Variants in UPP2 observed in about 807,000 individuals in gnomAD.
The protein encoded by UPP2 is UPase 2.
Under a neutral mutation model 26.7 loss-of-function variants are expected in UPP2, and 23 were observed. The observed-to-expected ratio is 0.86, with a 90% CI of 0.62 to 1.22. UPP2 has a LOEUF of 1.22. Ranked by LOEUF, UPP2 falls within the 50% of genes most tolerant of loss-of-function variation. The pLI is 0.00. For synonymous variants in UPP2, 127 were observed against 141.3 expected (o/e 0.90, Z 0.72); for missense variants, 387 against 396.7 (o/e 0.98, Z 0.21).
At chr2:158,109,932 A>G (rs1346670849) in intron 2 of UPP2, among the ~76,000 whole-genome samples, 2 of 152,202 alleles carry the variant, frequency 1.3e-5, no homozygotes, top group Non-Finnish European at 2.9e-5. Flanking sequence ...AAAATACAAC[A>G]TATTATATCT....
Position 158,121,427 on chromosome 2 carries a change from T to C in UPP2, c.473T>C (p.Val158Ala), listed in dbSNP as rs1683563938. The change falls in exon 5 of 7, where the codon GTT becomes GCT. Residue 158 changes from valine (V) to alanine (A), a missense_variant. Physicochemically the swap from Val to Ala is moderately conservative, Grantham distance 64 (BLOSUM62 0). Transcript: ENST00000005756. ...ATTGCAGGGATTGCACCAGGGACTG[T>C]TGTAATAACGGATATAGCTGTAGAC... ...SGGIGIAPGTVVITDIAVDSF... is the reference protein window; with the variant it reads ...SGGIGIAPGTAVITDIAVDSF... 1.9e-6 allele frequency: 3 copies of C among 1,612,964 alleles called. No homozygotes were observed. The highest frequency in any genetic ancestry group is 2.2e-5 in the East Asian group (1 of 44,872).
At chr2:158,035,780 T>C (rs1683991465) in intron 3 of UPP2, among the ~76,000 whole-genome samples, 1 of 152,216 alleles carries the variant, frequency 6.6e-6, no homozygotes, top group South Asian at 2.1e-4. Context: ...AGGGACGGGA[T>C]TGACTGGTCC....
intron 3 of UPP2, among the ~76,000 whole-genome samples, chr2:158,031,271 G>A (rs1209442325): frequency 6.6e-6 from 1 of 152,128 alleles, no homozygotes; most frequent in African/African-American, 2.4e-5. Context: ...CCAGGAAGGA[G>A]AATTCACTCA....
chr2:158,070,202 C>T (rs1371664772), intron 3 of UPP2, among the ~76,000 whole-genome samples: 1 of 152,204 alleles, frequency 6.6e-6, no homozygotes, highest in African/African-American at 2.4e-5. Flanking sequence ...TTATATTAAA[C>T]TTTCCCTTGT....
At chr2:158,114,765 T>C (rs1683389189) in intron 2 of UPP2, among the ~76,000 whole-genome samples, 4 of 152,362 alleles carry the variant, frequency 2.6e-5, no homozygotes, top group African/African-American at 9.6e-5. Context: ...GCATATGTCA[T>C]GGTAATGCTC....
At chr2:158,044,459 G>C (rs908991127) in intron 3 of UPP2, among the ~76,000 whole-genome samples, 3 of 152,150 alleles carry the variant, frequency 2.0e-5, no homozygotes, top group Admixed American at 1.3e-4. Flanking sequence ...AAGGGGCAAG[G>C]ATGGCAGGAT....
At chr2:158,077,876 A>G (rs1173746127) in intron 3 of UPP2, among the ~76,000 whole-genome samples, 1 of 152,120 alleles carries the variant, frequency 6.6e-6, no homozygotes, top group African/African-American at 2.4e-5. Context: ...CTTATAAACT[A>G]CCTATCTGAC....
intron 4 of UPP2, among the ~76,000 whole-genome samples, chr2:158,119,079 G>T (rs958068932): frequency 2.0e-5 from 3 of 152,004 alleles, no homozygotes; most frequent in African/African-American, 7.2e-5. Flanking sequence ...CAGTAGTAGG[G>T]AACTGCTCAT....
At chr2:158,039,161 G>GC (rs1684048812) in intron 3 of UPP2, among the ~76,000 whole-genome samples, 2 of 152,304 alleles carry the variant, frequency 1.3e-5, no homozygotes, top group Admixed American at 1.3e-4. Context: ...TGAGGCTGGG[G>GC]AAGTGAAGGG....
intron 3 of UPP2, among the ~76,000 whole-genome samples, chr2:158,038,481 T>C (rs978380944): frequency 6.6e-5 from 10 of 152,262 alleles, no homozygotes; most frequent in African/African-American, 2.4e-4. Flanking sequence ...AATTTTTCAC[T>C]GGGCAGATGC....
chr2:158,121,720 A>G (rs1334368145), intron 5 of UPP2, 102 bp downstream of exon 5: 3 of 1,084,912 alleles, frequency 2.8e-6, no homozygotes, highest in Non-Finnish European at 4.0e-6. Flanking sequence ...AAGAAAATTA[A>G]TATTTGTGGG....
chr2:158,029,677 T>G (rs1231420960), intron 3 of UPP2, among the ~76,000 whole-genome samples: 6 of 144,202 alleles, frequency 4.2e-5, no homozygotes, highest in African/African-American at 1.7e-4. Flanking sequence ...GGCAAAGTTT[T>G]TCCTTCAAAG....
At chr2:158,065,593 A>C in intron 3 of UPP2, 1 of 563,288 alleles carries the variant, frequency 1.8e-6, no homozygotes, top group South Asian at 1.5e-5. Flanking sequence ...ATACAAGAAC[A>C]TGAGGATTTC....
intron 2 of UPP2, among the ~76,000 whole-genome samples, chr2:158,004,144 T>A (rs1449865854): frequency 6.6e-6 from 1 of 152,214 alleles, no homozygotes; most frequent in East Asian, 1.9e-4. Context: ...TTCTTTTCAC[T>A]AAAAATATAT....
At chr2:158,063,726 T>C (rs1002336062) in intron 3 of UPP2, among the ~76,000 whole-genome samples, 3 of 152,210 alleles carry the variant, frequency 2.0e-5, no homozygotes, top group Non-Finnish European at 4.4e-5. Context: ...TGGGTATTTC[T>C]CCTAATGTTA....
intron 6 of UPP2, among the ~76,000 whole-genome samples, chr2:158,131,192 G>C (rs1683811724): frequency 6.6e-6 from 1 of 152,170 alleles, no homozygotes; most frequent in Non-Finnish European, 1.5e-5. Flanking sequence ...ACCAGGAAGA[G>C]GTAGAAGAAA....
chr2:158,096,102 G>A (rs1288747655), intron 3 of UPP2, among the ~76,000 whole-genome samples: 2 of 152,262 alleles, frequency 1.3e-5, no homozygotes, highest in Non-Finnish European at 2.9e-5. Context: ...GCTGTTCAGA[G>A]TTTTCTGTTG....
intron 2 of UPP2, among the ~76,000 whole-genome samples, chr2:158,106,755 CAT>C (rs1159068939): frequency 6.6e-6 from 1 of 151,964 alleles, no homozygotes; most frequent in African/African-American, 2.4e-5. Context: ...TTTTATCTGA[CAT>C]ATTTTAATTA....
rs780788998 is a variant in UPP2 at position 158,134,736 on chromosome 2, T to C, written c.812-12T>C. ...CCATTCATTCCATCAGTTGTGCTAATTGCTCTTCTAGCTGCTGTGGTCTGT... is the reference window on the plus strand; with the variant it reads ...CCATTCATTCCATCAGTTGTGCTAACTGCTCTTCTAGCTGCTGTGGTCTGT... On this transcript the variant is annotated splice_polypyrimidine_tract_variant and intron_variant, in intron 6 of 6. Coordinates refer to ENST00000005756, the MANE Select transcript of UPP2 (RefSeq NM_173355.4). 1.9e-5 allele frequency: 30 copies of C among 1,595,130 alleles called. No homozygotes were observed. Among genetic ancestry groups the C allele is most frequent in the Non-Finnish European group, 2.4e-5 (28 of 1,170,388 alleles).
Sources: gnomAD v4.1 joint callset for allele counts (sites outside exome capture counted in the v4.1 genomes callset) on GRCh38, gnomAD v4.1.1 for gene constraint, MANE v1.5 for transcripts, NCBI Gene and HGNC (gene_info 2026-07-23, HGNC 2026-07-21) for gene names.